KRT7: variants seen among roughly 807,000 people sequenced by gnomAD.
The protein encoded by KRT7 is keratin, type II cytoskeletal 7.
In KRT7, 50 loss-of-function variants were observed where a neutral mutation model predicts 42.8. The ratio of observed to expected loss-of-function variants is 1.17; its 90% CI spans 0.93 to 1.48. KRT7 has a LOEUF of 1.48. Among genes scored for constraint, KRT7 ranks in the 40% most tolerant of loss-of-function variants. The pLI is 0.00. For missense variants in KRT7, 588 were observed against 637.6 expected (o/e 0.92, Z 0.84); for synonymous variants, 268 against 266.3 (o/e 1.01, Z -0.06).
chr12:52,242,912 T>A, intron 5 of KRT7, 100 bp from the exon 6 acceptor site: 1 of 1,380,660 alleles, frequency 7.2e-7, no homozygotes, highest in South Asian at 1.4e-5. Context: ...TGTCCTTCCC[T>A]GAAAATATAA....
At chr12:52,234,128 G>GGA (rs1555181954) in intron 1 of KRT7, among the ~76,000 whole-genome samples, 6 of 6,796 alleles carry the variant, frequency 8.8e-4, no homozygotes, top group Non-Finnish European at 1.7e-3. Context: ...GGGCGGGGGA[G>GGA]GGGGGGGGGC....
chr12:52,254,968 T>C (rs1180030734), downstream of KRT7, among the ~76,000 whole-genome samples: 4 of 152,236 alleles, frequency 2.6e-5, no homozygotes, highest in Non-Finnish European at 4.4e-5. Flanking sequence ...GTTGCTGGCC[T>C]GAGGATGCAG....
chr12:52,238,713 C>G lies in KRT7; in HGVS notation c.631C>G (p.Leu211Val). Residue 211 changes from leucine (L) to valine (V), a missense_variant, in exon 4 of 9, where the codon CTG becomes GTG. Transcript: ENST00000331817. ...TGCTGCCTACATGAGCAAGGTGGAGCTGGAGGCCAAGGTGGATGCCCTGAA... is the reference window on the plus strand; with the variant it reads ...TGCTGCCTACATGAGCAAGGTGGAGGTGGAGGCCAAGGTGGATGCCCTGAA... ...VDAAYMSKVE[L>V]EAKVDALNDE... is the part of the protein sequence containing the mutation. 1.2e-6 allele frequency: 2 copies of G among 1,613,982 alleles called. No individual in the cohort carries two copies. The highest frequency in any genetic ancestry group is 1.7e-6 in the Non-Finnish European group (2 of 1,179,854).
At chr12:52,244,364 C>T (rs1942138519) in intron 6 of KRT7, 1 of 985,470 alleles carries the variant, frequency 1.0e-6, no homozygotes, top group Non-Finnish European at 1.2e-6. Flanking sequence ...TCTCCTCTCA[C>T]ACAACAGGGC....
At chr12:52,251,301 G>A (rs900076634), downstream of KRT7, among the ~76,000 whole-genome samples, 5 of 152,146 alleles carry the variant, frequency 3.3e-5, no homozygotes, top group Non-Finnish European at 7.4e-5. Flanking sequence ...CCAATCTTTT[G>A]GCTTCCCTGG....
intron 7 of KRT7, among the ~76,000 whole-genome samples, chr12:52,246,785 C>T (rs936331): frequency 0.26 from 39,573 of 152,112 alleles, 5,956 homozygotes; most frequent in East Asian, 0.59. Flanking sequence ...GCCTCTCCCA[C>T]AGGCACAGGG....
downstream of KRT7, chr12:52,253,761 A>T: frequency 2.2e-6 from 2 of 922,426 alleles, no homozygotes; most frequent in Non-Finnish European, 3.3e-6. Flanking sequence ...GAGAACGCGG[A>T]TCTCCTGCAG....
rs1941947740 is a variant in KRT7 at position 52,233,253 on chromosome 12, C to T, written c.-44C>T. Reference sequence around the variant, plus strand: ...AGTGTCCCCGAGGTCAGCGAGTGCGCGCTCCTCCTCGCCCGCCGCTAGGTC... The same window carrying T: ...AGTGTCCCCGAGGTCAGCGAGTGCGTGCTCCTCCTCGCCCGCCGCTAGGTC... On this transcript the variant is annotated 5_prime_UTR_variant, in exon 1 of 9. Coordinates refer to ENST00000331817, the MANE Select transcript of KRT7 (RefSeq NM_005556.4). 2.1e-6 allele frequency: 3 copies of T among 1,423,942 alleles called. No homozygotes were observed. The highest frequency in any genetic ancestry group is 2.8e-5 in the East Asian group (1 of 35,372). 88.2% of individuals were successfully genotyped at this position (1,423,942 alleles called of 1,614,324 possible). A position where few individuals can be genotyped will look rare whatever the true frequency, so the allele number is the denominator to read the frequency against.
At chr12:52,233,705 C>G in intron 1 of KRT7, 85 bp downstream of exon 1, 1 of 1,386,674 alleles carries the variant, frequency 7.2e-7, no homozygotes, top group Non-Finnish European at 1.0e-6. Flanking sequence ...GCGCGCGGGC[C>G]AGGCGCTGGG....
At chr12:52,237,008 G>A (rs983452521) in intron 2 of KRT7, among the ~76,000 whole-genome samples, 1 of 152,164 alleles carries the variant, frequency 6.6e-6, no homozygotes, top group African/African-American at 2.4e-5. Flanking sequence ...AGTGATTAGG[G>A]CATGGCTGGA....
chr12:52,250,645 CCAGAGGGGGAGGA>C (rs1942251079), downstream of KRT7: 2 of 752,174 alleles, frequency 2.7e-6, no homozygotes, highest in Non-Finnish European at 4.5e-6. Context: ...CTGACACCTG[CCAGAGGGGGAGGA>C]CAGGGCCCAG....
rs977514898 is a variant in KRT7, at chr12:52,233,386, C to T, written c.90C>T (p.Arg30=). 5.1e-6 allele frequency: 8 copies of T among 1,567,390 alleles called. No individual in the cohort carries two copies. The highest frequency in any genetic ancestry group is 6.9e-6 in the Non-Finnish European group (8 of 1,163,164). ...RGAQVRLSSA[R]PGGLGSSSLY... ...CCCAGGTGCGCCTGAGCTCCGCTCG[C>T]CCCGGCGGCCTTGGCAGCAGCAGCC... Residue 30 remains arginine (R), a synonymous_variant, in exon 1 of 9, where the codon CGC becomes CGT. Transcript: ENST00000331817.
At chr12:52,253,482 G>A, downstream of KRT7, 2 of 1,545,216 alleles carry the variant, frequency 1.3e-6, no homozygotes, top group Non-Finnish European at 1.8e-6. Context: ...CCTCAGAGAG[G>A]CAGCCCTTAT....
At chr12:52,239,060 G>A (rs1942047851) in intron 4 of KRT7, among the ~76,000 whole-genome samples, 1 of 152,198 alleles carries the variant, frequency 6.6e-6, no homozygotes. Flanking sequence ...TTCCTCACAG[G>A]CTGAGTACTA....
At chr12:52,244,222 G>A (rs1048874611) in intron 6 of KRT7, 32 of 683,382 alleles carry the variant, frequency 4.7e-5, no homozygotes, top group Non-Finnish European at 5.6e-5. Context: ...ACAGGAGGGC[G>A]GAGGCTGCCT....
downstream of KRT7, chr12:52,254,229 C>G (rs1313243451): frequency 5.6e-6 from 4 of 709,586 alleles, no homozygotes; most frequent in Non-Finnish European, 1.0e-5. Flanking sequence ...ATGTCTAACT[C>G]ATATCCTCCT....
chr12:52,246,508 GC>G, intron 7 of KRT7: 1 of 152,666 alleles, frequency 6.6e-6, no homozygotes, highest in Non-Finnish European at 1.5e-5. Context: ...GATGAATGGA[GC>G]AGCAGGGAAG....
chr12:52,237,527 C>G lies in KRT7; in HGVS notation c.555C>G (p.Asn185Lys), dbSNP rs1442100601. Reference protein sequence around the residue: ...DFKNKYEDEINHRTAAENEFV... With the variant: ...DFKNKYEDEIKHRTAAENEFV... Reference sequence around the variant, plus strand: ...ACTGTAGGTACGAAGATGAAATTAACCACCGCACAGCTGCTGAGAATGAGT... The same window carrying G: ...ACTGTAGGTACGAAGATGAAATTAAGCACCGCACAGCTGCTGAGAATGAGT... Residue 185 changes from asparagine to lysine, a missense_variant, in exon 3 of 9, where the codon AAC becomes AAG. Transcript: ENST00000331817. The G allele has an allele frequency of 6.2e-7, 1 of 1,612,028 alleles. No individual in the cohort carries two copies. The highest frequency in any genetic ancestry group is 8.5e-7 in the Non-Finnish European group (1 of 1,178,768).
intron 6 of KRT7, among the ~76,000 whole-genome samples, chr12:52,243,844 C>T (rs971666955): frequency 6.6e-6 from 1 of 152,248 alleles, no homozygotes; most frequent in Non-Finnish European, 1.5e-5. Context: ...GATTGATGGT[C>T]CCTACCTCCA....
Sources: gnomAD v4.1 joint callset for allele counts (sites outside exome capture counted in the v4.1 genomes callset) on GRCh38, gnomAD v4.1.1 for gene constraint, MANE v1.5 for transcripts, NCBI Gene and HGNC (gene_info 2026-07-23, HGNC 2026-07-21) for gene names.